The following DOK6 variants were observed in gnomAD, a reference collection of about 807,000 sequenced individuals.
DOK6 encodes the protein downstream of tyrosine kinase 6.
Under a neutral mutation model 44.0 loss-of-function variants are expected in DOK6, and 22 were observed. The observed-to-expected ratio is 0.50, with a 90% CI of 0.36 to 0.71. The LOEUF (loss-of-function observed/expected upper bound fraction) is 0.71. Ranked by LOEUF, DOK6 falls within the 30% of genes least tolerant of loss-of-function variation. The pLI is 0.00. For synonymous variants in DOK6, 166 were observed against 145.5 expected (o/e 1.14, Z -1.01); for missense variants, 340 against 416.4 (o/e 0.82, Z 1.60).
intron 1 of DOK6, among the ~76,000 whole-genome samples, chr18:69,498,537 C>T (rs1980959375): frequency 1.3e-5 from 2 of 152,092 alleles, no homozygotes; most frequent in South Asian, 2.1e-4. Flanking sequence ...TATATGCTCA[C>T]ATATAATTAG....
At position 69,599,564 on chromosome 18, in the gene DOK6, G is replaced by A. The variant is rs111341291; in HGVS notation, c.289+66G>A. On this transcript the variant is annotated intron_variant, in intron 3 of 7. Transcript: ENST00000382713. ...CTGCTTGTGAGACAATGGCCCAGGC[G>A]GATTAAGGTACACTATTGAACAGGA... 330 of 1,314,508 alleles carry A rather than the reference G, an allele frequency of 2.5e-4. 2 individuals are homozygous for A. In the African/African-American group the frequency reaches 3.2e-3, roughly 13 times the overall value. The allele number at this position is 1,314,508 out of a possible 1,614,324, so 81.4% of individuals were successfully genotyped here. A position where few individuals can be genotyped will look rare whatever the true frequency, so the allele number is the denominator to read the frequency against.
intron 4 of DOK6, among the ~76,000 whole-genome samples, chr18:69,688,464 A>G (rs568940116): frequency 6.6e-6 from 1 of 152,350 alleles, no homozygotes; most frequent in African/African-American, 2.4e-5. Flanking sequence ...GACAAAGGCT[A>G]CAGAGATCCA....
At chr18:69,790,729 A>G (rs1478678258) in intron 7 of DOK6, among the ~76,000 whole-genome samples, 1 of 152,140 alleles carries the variant, frequency 6.6e-6, no homozygotes, top group South Asian at 2.1e-4. Context: ...ATGCATAACA[A>G]TCACATCAGG....
At chr18:69,781,640 T>C (rs1980271154) in intron 7 of DOK6, among the ~76,000 whole-genome samples, 1 of 152,184 alleles carries the variant, frequency 6.6e-6, no homozygotes, top group Admixed American at 6.5e-5. Flanking sequence ...AAAAGCTAGG[T>C]TTCAAAGTAG....
intron 2 of DOK6, among the ~76,000 whole-genome samples, chr18:69,592,220 TTTTG>T (rs1475139898): frequency 6.7e-6 from 1 of 149,312 alleles, no homozygotes; most frequent in African/African-American, 2.4e-5. Flanking sequence ...AGTTGGTGGC[TTTTG>T]TTTTTCTTTT....
chr18:69,422,954 CCAAGCGCACA>C (rs1193674665), intron 1 of DOK6, among the ~76,000 whole-genome samples: 1 of 152,132 alleles, frequency 6.6e-6, no homozygotes, highest in Non-Finnish European at 1.5e-5. Context: ...TTACAAACCT[CCAAGCGCACA>C]CTACTATATT....
chr18:69,824,439 G>A (rs1460713181), intron 7 of DOK6, among the ~76,000 whole-genome samples: 1 of 82,916 alleles, frequency 1.2e-5, no homozygotes, highest in African/African-American at 4.3e-5. Flanking sequence ...CTCCTCCTGG[G>A]CTCAAGCAAT....
chr18:69,574,372 G>A (rs1224068996), intron 2 of DOK6, among the ~76,000 whole-genome samples: 1 of 151,954 alleles, frequency 6.6e-6, no homozygotes, highest in East Asian at 1.9e-4. Flanking sequence ...GATGAAGTAA[G>A]GTTTATAAAT....
In DOK6 at chr18:69,816,554, T is replaced by A. The variant is rs541107435; in HGVS notation, c.857-24690T>A. Among the ~76,000 whole-genome samples the A allele has an allele frequency of 9.8e-5, 15 of 152,302 alleles. No homozygotes were observed. The South Asian group carries it at 3.1e-3, about 32-fold the overall frequency. On this transcript the variant is annotated intron_variant, in intron 7 of 7. Transcript: ENST00000382713. ...ATTATATCTTCCTCCACGATAAACATAAATATTATGTATGGAGCATTTACA... is the reference window on the plus strand; with the variant it reads ...ATTATATCTTCCTCCACGATAAACAAAAATATTATGTATGGAGCATTTACA...
intron 4 of DOK6, among the ~76,000 whole-genome samples, chr18:69,688,546 A>T (rs1180089262): frequency 6.6e-6 from 1 of 152,206 alleles, no homozygotes; most frequent in African/African-American, 2.4e-5. Context: ...TGTTTGAGTC[A>T]GAGTCTCGCT....
At chr18:69,627,558 C>G (rs1487550830) in intron 3 of DOK6, among the ~76,000 whole-genome samples, 1 of 152,204 alleles carries the variant, frequency 6.6e-6, no homozygotes, top group Non-Finnish European at 1.5e-5. Context: ...ACGCCATTCT[C>G]CTGCTTCGGC....
intron 1 of DOK6, among the ~76,000 whole-genome samples, chr18:69,526,890 T>A (rs1329328935): frequency 6.6e-6 from 1 of 152,200 alleles, no homozygotes; most frequent in Non-Finnish European, 1.5e-5. Flanking sequence ...ACCATCTGTA[T>A]CTATGTTAAG....
At position 69,832,238 on chromosome 18, in the gene DOK6, G is replaced by A. The variant is rs573561599; in HGVS notation, c.857-9006G>A. Among the ~76,000 whole-genome samples, 4 of 152,254 alleles carry A rather than the reference G, an allele frequency of 2.6e-5. No individual in the cohort carries two copies. The South Asian group carries it at 8.3e-4, about 32-fold the overall frequency. ...CCAATTCTTTGAGGGTTTTCATAATGAAGCAATGTAGAACTTTATCAAGTG... is the reference window on the plus strand; with the variant it reads ...CCAATTCTTTGAGGGTTTTCATAATAAAGCAATGTAGAACTTTATCAAGTG... On this transcript the variant is annotated intron_variant, in intron 7 of 7. Coordinates refer to ENST00000382713, the MANE Select transcript of DOK6 (RefSeq NM_152721.6).
intron 2 of DOK6, among the ~76,000 whole-genome samples, chr18:69,593,851 G>A (rs1292970367): frequency 6.6e-6 from 1 of 152,146 alleles, no homozygotes; most frequent in Non-Finnish European, 1.5e-5. Flanking sequence ...TATATGTAAT[G>A]TAGTTTAACA....
intron 1 of DOK6, among the ~76,000 whole-genome samples, chr18:69,414,869 T>A (rs11664932): frequency 0.081 from 12,376 of 152,098 alleles, 561 homozygotes; most frequent in Middle Eastern, 0.12. Flanking sequence ...ACAAACACGA[T>A]AAGCCATCCA....
chr18:69,778,638 A>C (rs1025424382), intron 7 of DOK6, among the ~76,000 whole-genome samples: 1 of 152,158 alleles, frequency 6.6e-6, no homozygotes, highest in Non-Finnish European at 1.5e-5. Flanking sequence ...TCTGAGCATG[A>C]AAGGAGGGAA....
At chr18:69,746,320 G>T (rs1399100134) in intron 6 of DOK6, among the ~76,000 whole-genome samples, 1 of 152,092 alleles carries the variant, frequency 6.6e-6, no homozygotes, top group African/African-American at 2.4e-5. Flanking sequence ...AGGATGGAGT[G>T]CAGTGACATG....
At chr18:69,563,707 C>T (rs1418203117) in intron 1 of DOK6, among the ~76,000 whole-genome samples, 4 of 151,226 alleles carry the variant, frequency 2.6e-5, no homozygotes, top group Non-Finnish European at 4.4e-5. Context: ...TGTTAAATGA[C>T]GAGTTAATGG....
chr18:69,770,007 AC>A (rs1269677895), intron 7 of DOK6, among the ~76,000 whole-genome samples: 1 of 152,152 alleles, frequency 6.6e-6, no homozygotes, highest in East Asian at 1.9e-4. Context: ...TTATTGAGCA[AC>A]CTTCTATGAA....
Sources: allele counts gnomAD v4.1 joint callset (sites outside exome capture counted in the v4.1 genomes callset), GRCh38; gene constraint gnomAD v4.1.1; transcripts MANE v1.5; gene names NCBI Gene and HGNC (gene_info 2026-07-23, HGNC 2026-07-21).